MOCS1: variants seen among roughly 807,000 people sequenced by gnomAD.
MOCS1 encodes molybdenum cofactor biosynthesis protein 1.
A neutral mutation model predicts 57.6 loss-of-function variants in MOCS1; 39 were observed. The ratio of observed to expected loss-of-function variants is 0.68; its 90% CI spans 0.52 to 0.88. MOCS1 has a LOEUF of 0.88. Ranked by LOEUF, MOCS1 falls within the 40% of genes least tolerant of loss-of-function variation. MOCS1 has a pLI of 0.00. For synonymous variants in MOCS1, 334 were observed against 335.7 expected, an observed-to-expected ratio of 1.00 and a Z score of 0.05; for missense variants, 795 against 831.1, an observed-to-expected ratio of 0.96 and a Z score of 0.53.
Position 39,909,823 on chromosome 6 carries a change from C to G in MOCS1, c.1102+12G>C. 1.2e-6 allele frequency: 2 copies of G among 1,612,416 alleles called. No homozygotes were observed. The highest frequency in any genetic ancestry group is 1.7e-6 in the Non-Finnish European group (2 of 1,179,994). On this transcript the variant is annotated intron_variant, in intron 9 of 10. Transcript: ENST00000340692. Reference sequence around the variant, plus strand: ...TCACCATCCAGGCCAGCCCTCCCCACCCTGCACTTACCTGCATGCTGCCGC... The same window carrying G: ...TCACCATCCAGGCCAGCCCTCCCCAGCCTGCACTTACCTGCATGCTGCCGC...
intron 3 of MOCS1, among the ~76,000 whole-genome samples, chr6:39,921,870 C>T (rs1244739190): frequency 6.6e-6 from 1 of 152,056 alleles, no homozygotes; most frequent in East Asian, 1.9e-4. Flanking sequence ...CAGATTACTT[C>T]GTCATCCAGG....
rs1439350633 is a variant in MOCS1 at position 39,904,675 on chromosome 6, A to G, written c.*1682T>C. ...CCCTACTCCCATCCCATTTCCACCA[A>G]CTGGGGAACTGTGACTATCTATCTC... On this transcript the variant is annotated 3_prime_UTR_variant, in exon 11 of 11. Coordinates refer to ENST00000340692, the MANE Select transcript of MOCS1 (RefSeq NM_001358530.2). 1 of 453,628 alleles carries G rather than the reference A, an allele frequency of 2.2e-6. No homozygotes were observed. 28.1% of individuals were successfully genotyped at this position (453,628 alleles called of 1,614,324 possible).
intron 8 of MOCS1, 147 bp downstream of exon 8, chr6:39,912,117 C>T: frequency 1.4e-6 from 1 of 697,684 alleles, no homozygotes; most frequent in South Asian, 1.6e-5. Flanking sequence ...CTGCTCCCAT[C>T]ATGCCCCCAA....
chr6:39,924,000 G>A (rs1768127855), intron 3 of MOCS1, among the ~76,000 whole-genome samples: 1 of 152,198 alleles, frequency 6.6e-6, no homozygotes, highest in South Asian at 2.1e-4. Flanking sequence ...AAAGCAGCTG[G>A]ACGGGGCAGC....
chr6:39,915,879 T>C (rs1183256435), intron 4 of MOCS1, among the ~76,000 whole-genome samples, 189 bp downstream of exon 4: 1 of 152,092 alleles, frequency 6.6e-6, no homozygotes, highest in Non-Finnish European at 1.5e-5. Flanking sequence ...CCTAGGTCAT[T>C]AGCGTCTGAC....
rs752673279 is a variant in MOCS1 at position 39,927,442 on chromosome 6, C to T, written c.137G>A (p.Arg46Gln). 2.0e-5 allele frequency: 32 copies of T among 1,611,444 alleles called. No individual in the cohort carries two copies. The highest frequency in any genetic ancestry group is 1.7e-4 in the South Asian group (15 of 90,794). ...CGCATGCTCCCGCAGGAACTGCCTC[C>T]GCCTGGACACCTCCTGCGAGGACAG... ...ARAASEEVSR[R>Q]RQFLREHAAP... The change falls in exon 2 of 11, where the codon CGG (arginine) becomes CAG (glutamine). Residue 46 changes from arginine to glutamine, a missense_variant. Coordinates refer to ENST00000340692, the MANE Select transcript of MOCS1 (RefSeq NM_001358530.2).
In MOCS1 at chr6:39,905,584, C is replaced by G. The variant is rs202039492; in HGVS notation, c.*773G>C. On this transcript the variant is annotated 3_prime_UTR_variant, in exon 11 of 11. Transcript: ENST00000340692. Reference sequence around the variant, plus strand: ...GAGGGTGAAGGCAATCTATCATCAACTTTTCTTTCCCTGATATGCTCCAGA... The same window carrying G: ...GAGGGTGAAGGCAATCTATCATCAAGTTTTCTTTCCCTGATATGCTCCAGA... The G allele has an allele frequency of 1.9e-5, 9 of 471,044 alleles. No individual in the cohort carries two copies. Among genetic ancestry groups the G allele is most frequent in the South Asian group, 1.1e-4 (7 of 64,574 alleles). The allele number at this position is 471,044 out of a possible 1,614,324, so 29.2% of individuals were successfully genotyped here.
At chr6:39,934,140 G>C (rs963493707) in intron 1 of MOCS1, among the ~76,000 whole-genome samples, 155 bp downstream of exon 1, 2 of 152,046 alleles carry the variant, frequency 1.3e-5, no homozygotes, top group African/African-American at 4.8e-5. Flanking sequence ...GAGACCGGGC[G>C]GTCCATCTGG....
intron 3 of MOCS1, among the ~76,000 whole-genome samples, chr6:39,917,437 A>C (rs1767725079): frequency 6.6e-6 from 1 of 152,132 alleles, no homozygotes; most frequent in South Asian, 2.1e-4. Context: ...ATTCAAGAAG[A>C]GATTTGGGTG....
At position 39,934,344 on chromosome 6, in the gene MOCS1, G is replaced by A; in HGVS notation, c.74C>T (p.Ala25Val). 12 of 1,553,028 alleles carry A rather than the reference G, an allele frequency of 7.7e-6. No homozygotes were observed. The highest frequency in any genetic ancestry group is 9.5e-6 in the Non-Finnish European group (11 of 1,153,730). Residue 25 changes from alanine (A) to valine (V), a missense_variant, in exon 1 of 11, where the codon GCT becomes GTT. Around this residue, in one of 3 missense-constraint regions of MOCS1, gnomAD observed 416 missense variants for 392.4 expected, o/e 1.06. Transcript: ENST00000340692. Reference sequence around the variant, plus strand: ...CCCGGGGCAGGGCTGGGTCACCGGAGCCCCTGAGCTGCAGCTCCGGGCGCT... The same window carrying A: ...CCCGGGGCAGGGCTGGGTCACCGGAACCCCTGAGCTGCAGCTCCGGGCGCT... ...RSSARSCSSG[A>V]PVTQPCPGES...
Position 39,905,750 on chromosome 6 carries a change from C to T in MOCS1, c.*607G>A, listed in dbSNP as rs567412567. On this transcript the variant is annotated 3_prime_UTR_variant, in exon 11 of 11. Transcript: ENST00000340692. ...CCAGAGGAAAAGGGGCCAGCAGGAC[C>T]GGGCAACTGTTAAGCTGAAAGGCTG... The T allele has an allele frequency of 1.9e-5, 9 of 471,098 alleles. No individual in the cohort carries two copies. Among genetic ancestry groups the T allele is most frequent in the South Asian group, 4.6e-5 (3 of 64,560 alleles). 29.2% of individuals were successfully genotyped at this position (471,098 alleles called of 1,614,324 possible).
chr6:39,912,991 G>A lies in MOCS1; in HGVS notation c.771C>T (p.Asn257=), dbSNP rs1451334477. 2 of 1,614,098 alleles carry A rather than the reference G, an allele frequency of 1.2e-6. No homozygotes were observed. The highest frequency in any genetic ancestry group is 2.2e-5 in the East Asian group (1 of 44,874). The change falls in exon 7 of 11, where the codon AAC becomes AAT. Residue 257 remains asparagine, a synonymous_variant. Coordinates refer to ENST00000340692, the MANE Select transcript of MOCS1 (RefSeq NM_001358530.2). ...CCTTATAGCTGACCATCTTCTTGAAGTTCCACTTGTTGCCTGTATTCGGGA... is the reference window on the plus strand; with the variant it reads ...CCTTATAGCTGACCATCTTCTTGAAATTCCACTTGTTGCCTGTATTCGGGA... ...EYMPFDGNKW[N]FKKMVSYKEM...
chr6:39,918,391 G>T (rs1349323251), intron 3 of MOCS1, among the ~76,000 whole-genome samples: 2 of 152,242 alleles, frequency 1.3e-5, no homozygotes, highest in Non-Finnish European at 2.9e-5. Context: ...CAATCATGGT[G>T]TAAGAATAAA....
chr6:39,929,337 G>A (rs1032732787), intron 1 of MOCS1, among the ~76,000 whole-genome samples: 1 of 152,114 alleles, frequency 6.6e-6, no homozygotes, highest in Non-Finnish European at 1.5e-5. Flanking sequence ...TTGGGGCGGG[G>A]AGCACTCCAT....
chr6:39,917,560 A>T (rs1251199110), intron 3 of MOCS1, among the ~76,000 whole-genome samples: 4 of 152,104 alleles, frequency 2.6e-5, no homozygotes. Flanking sequence ...CACAACACAA[A>T]CAACATTGCC....
rs1766706050 is a variant in MOCS1, at chr6:39,904,601, G to A, written c.*1756C>T. ...TGGAAATAAAGTGTTTAGGGCAGTG[G>A]GAGGAGAAAATTCTCCAGGTGAATG... On this transcript the variant is annotated 3_prime_UTR_variant, in exon 11 of 11. Coordinates refer to ENST00000340692, the MANE Select transcript of MOCS1 (RefSeq NM_001358530.2). 1 of 454,072 alleles carries A rather than the reference G, an allele frequency of 2.2e-6. No homozygotes were observed. Among genetic ancestry groups the A allele is most frequent in the Admixed American group, 2.4e-5 (1 of 42,528 alleles). The allele number at this position is 454,072 out of a possible 1,614,324, so 28.1% of individuals were successfully genotyped here.
chr6:39,926,490 G>A (rs1367851403), intron 2 of MOCS1, among the ~76,000 whole-genome samples: 1 of 151,386 alleles, frequency 6.6e-6, no homozygotes, highest in Non-Finnish European at 1.5e-5. Flanking sequence ...TTCCTGTGGT[G>A]CAGTTTCATT....
rs532400782 is a variant in MOCS1 at position 39,934,306 on chromosome 6, C to G, written c.112G>C (p.Ala38Pro). Residue 38 changes from alanine (A) to proline (P), a missense_variant, in exon 1 of 11, where the codon GCT (alanine) becomes CCT (proline). By Grantham distance (27) the Ala-to-Pro change is conservative. Around this residue, in one of 3 missense-constraint regions of MOCS1, gnomAD observed 416 missense variants for 392.4 expected, o/e 1.06. Coordinates refer to ENST00000340692, the MANE Select transcript of MOCS1 (RefSeq NM_001358530.2). ...TQPCPGESAR[A>P]ASEEVSRRRQ... ...CGGGGTGGGCTCACCTCCGAGGCAG[C>G]TCGCGCGGACTCCCCGGGGCAGGGC... 5.8e-6 allele frequency: 9 copies of G among 1,545,232 alleles called. No homozygotes were observed. The highest frequency in any genetic ancestry group is 2.7e-5 in the African/African-American group (2 of 73,424).
intron 1 of MOCS1, chr6:39,927,782 T>G (rs375439890): frequency 7.0e-7 from 1 of 1,424,132 alleles, no homozygotes; most frequent in Non-Finnish European, 9.2e-7. Context: ...CTCTAGCCAG[T>G]GCCAAAAAAA....
Sources: allele counts gnomAD v4.1 joint callset (sites outside exome capture counted in the v4.1 genomes callset), GRCh38; gene constraint gnomAD v4.1.1; regional missense constraint gnomAD v4.1.1; transcripts MANE v1.5; gene names NCBI Gene and HGNC (gene_info 2026-07-23, HGNC 2026-07-21).